PAPLN: variants seen among roughly 807,000 people sequenced by gnomAD.
PAPLN encodes papilin.
Under a neutral mutation model 159.0 loss-of-function variants are expected in PAPLN, and 146 were observed. The ratio of observed to expected loss-of-function variants is 0.92; its 90% CI spans 0.80 to 1.05. The LOEUF (loss-of-function observed/expected upper bound fraction) is 1.05. Among genes scored for constraint, PAPLN ranks in the 50% least tolerant of loss-of-function variants. The probability of loss-of-function intolerance (pLI) is 0.00; values close to 1 mark genes in which losing one functional copy is unlikely to be tolerated. For missense variants in PAPLN, 1,720 were observed against 1,743.9 expected, an observed-to-expected ratio of 0.99 and a Z score of 0.24; for synonymous variants, 734 against 702.9, an observed-to-expected ratio of 1.04 and a Z score of -0.70.
Position 73,265,595 on chromosome 14 carries a change from G to A in PAPLN, c.3263+88G>A. The A allele has an allele frequency of 6.5e-7, 1 of 1,545,694 alleles. No individual in the cohort carries two copies. The highest frequency in any genetic ancestry group is 8.8e-7 in the Non-Finnish European group (1 of 1,142,514). On this transcript the variant is annotated intron_variant, in intron 23 of 26. Transcript: ENST00000644200. The surrounding 1 kb of genome is among the most constrained non-coding windows in gnomAD (Gnocchi z 4.1). ...GCCACCGGGGAAGGGAGCTGCTAGCGCATGGTCATGGCCAGTCCTGAGCCG... is the reference window on the plus strand; with the variant it reads ...GCCACCGGGGAAGGGAGCTGCTAGCACATGGTCATGGCCAGTCCTGAGCCG...
rs1197641217 is a variant in PAPLN, at chr14:73,239,808, G to T, written c.30G>T (p.Leu10=). 6.3e-7 allele frequency: 1 copy of T among 1,594,480 alleles called. No individual in the cohort carries two copies. Among genetic ancestry groups the T allele is most frequent in the Non-Finnish European group, 8.5e-7 (1 of 1,176,226 alleles). ...GGCTGCTCCTGCTCGTGCCGCTGCT[G>T]CTGGCTCCAGCGCCCGGGTCCTCGG... MRLLLLVPL[L]LAPAPGSSAP... The change falls in exon 2 of 27, where the codon CTG becomes CTT. Residue 10 remains leucine (L), a synonymous_variant. Coordinates refer to ENST00000644200, the MANE Select transcript of PAPLN (RefSeq NM_001365906.3).
At chr14:73,241,987 C>T (rs1333292755) in intron 2 of PAPLN, among the ~76,000 whole-genome samples, 1 of 152,326 alleles carries the variant, frequency 6.6e-6, no homozygotes, top group East Asian at 1.9e-4. Context: ...CAGCATGAGA[C>T]AGGTGAGGGC....
chr14:73,239,624 TGCGGTGCACCGAGGCGCACCCG>T, intron 1 of PAPLN, 127 bp from the exon 2 acceptor site: 1 of 1,393,314 alleles, frequency 7.2e-7, no homozygotes, highest in Non-Finnish European at 9.3e-7. Context: ...CTGTGTTCTC[TGCGGTGCACCGAGGCGCACCCG>T]GCTGTCCTGT....
intron 3 of PAPLN, 105 bp downstream of exon 3, chr14:73,244,864 C>T: frequency 1.2e-6 from 1 of 807,012 alleles, no homozygotes. Context: ...CTGGCCACAT[C>T]AGCAGAACCC....
intron 24 of PAPLN, 40 bp downstream of exon 24, chr14:73,266,668 C>T: frequency 3.7e-6 from 6 of 1,614,092 alleles, no homozygotes; most frequent in Non-Finnish European, 4.2e-6. Context: ...GGTCAGGTGG[C>T]ATGGGTAGGG....
In PAPLN at chr14:73,260,689, G is replaced by A. The variant is rs764092340; in HGVS notation, c.1986-20G>A. The A allele has an allele frequency of 6.2e-6, 9 of 1,445,344 alleles. No homozygotes were observed. Among genetic ancestry groups the A allele is most frequent in the Non-Finnish European group, 8.2e-6 (9 of 1,100,872 alleles). 89.5% of individuals were successfully genotyped at this position (1,445,344 alleles called of 1,614,324 possible). ...GTGGGGGCAGGCTGGGCAGTGAGGG[G>A]CTGTGTGATGTCTGCCTAGGTACGG... On this transcript the variant is annotated intron_variant, in intron 16 of 26. Transcript: ENST00000644200.
At position 73,272,880 on chromosome 14, in the gene PAPLN, C is replaced by CT; in HGVS notation, c.*216_*217insT. 2.5e-6 allele frequency: 1 copy of CT among 408,136 alleles called. No homozygotes were observed. Among genetic ancestry groups the CT allele is most frequent in the South Asian group, 1.2e-4 (1 of 8,154 alleles). The allele number at this position is 408,136 out of a possible 1,614,324, so 25.3% of individuals were successfully genotyped here. A position where few individuals can be genotyped will look rare whatever the true frequency, so the allele number is the denominator to read the frequency against. On this transcript the variant is annotated 3_prime_UTR_variant, in exon 27 of 27. Transcript: ENST00000644200. ...GCAGTGTTTGCATCTCTGACATAAC[C>CT]ACAGGCTGCTGTTTTCAAGAAGAGC... is the stretch of plus-strand genomic sequence containing the variant.
chr14:73,252,302 C>G (rs1297331163), intron 10 of PAPLN, among the ~76,000 whole-genome samples, 161 bp downstream of exon 10: 1 of 152,146 alleles, frequency 6.6e-6, no homozygotes, highest in Non-Finnish European at 1.5e-5. Context: ...TTGAGGAAAA[C>G]CCAGGGATCT....
intron 2 of PAPLN, 32 bp from the exon 3 acceptor site, chr14:73,244,612 G>T: frequency 6.6e-7 from 1 of 1,521,696 alleles, no homozygotes; most frequent in Non-Finnish European, 8.9e-7. Context: ...CTGTGAGTGG[G>T]CAATGCTGAT....
chr14:73,248,120 T>G, intron 5 of PAPLN, among the ~76,000 whole-genome samples: 2 of 130,412 alleles, frequency 1.5e-5, no homozygotes, highest in East Asian at 2.2e-4. Context: ...CGTGTGTGTG[T>G]TGTGGGGATC....
rs149226856 is a variant in PAPLN, at chr14:73,263,853, G to C, written c.2861+71G>C. On this transcript the variant is annotated intron_variant, in intron 20 of 26. Transcript: ENST00000644200. The stretch of plus-strand genomic sequence containing the variant: ...CCTACCTTCCCTGACAGGTGTGTGT[G>C]ACAGCTCCCCCACCTCCTCTGATAG... 8.1e-4 allele frequency: 1,214 copies of C among 1,503,030 alleles called. 9 individuals carry two copies. In the African/African-American group the frequency reaches 0.015, roughly 19 times the overall value. 93.1% of individuals were successfully genotyped at this position (1,503,030 alleles called of 1,614,324 possible). A position where few individuals can be genotyped will look rare whatever the true frequency, so the allele number is the denominator to read the frequency against.
chr14:73,262,264 C>T (rs565450755), intron 18 of PAPLN, 86 bp from the exon 19 acceptor site: 6 of 1,333,962 alleles, frequency 4.5e-6, no homozygotes, highest in South Asian at 1.4e-5. Context: ...GAAGGGCCTG[C>T]TTCCTGAGTC....
chr14:73,270,281 G>T (rs946855896), intron 26 of PAPLN, among the ~76,000 whole-genome samples: 1 of 152,224 alleles, frequency 6.6e-6, no homozygotes, highest in African/African-American at 2.4e-5. Context: ...GGCGGCTTCC[G>T]CACTGGGTGC....
At chr14:73,253,078 G>A (rs1885480726) in intron 11 of PAPLN, 28 of 1,338,064 alleles carry the variant, frequency 2.1e-5, no homozygotes, top group Non-Finnish European at 2.6e-5. Context: ...CAGAGGGTTT[G>A]GCTTGGCAGA....
chr14:73,246,007 G>A (rs1199811226), intron 4 of PAPLN, 66 bp from the exon 5 acceptor site: 3 of 1,418,712 alleles, frequency 2.1e-6, no homozygotes, highest in South Asian at 1.4e-5. Context: ...GGGCTCGGGC[G>A]GGGCGGGAGG....
rs1005883892 is a variant in PAPLN, at chr14:73,250,775, T to C, written c.466-132T>C. 26 of 1,120,340 alleles carry C rather than the reference T, an allele frequency of 2.3e-5. No individual in the cohort carries two copies. The African/African-American group carries it at 3.7e-4, about 16-fold the overall frequency. 69.4% of individuals were successfully genotyped at this position (1,120,340 alleles called of 1,614,324 possible). On this transcript the variant is annotated intron_variant, in intron 6 of 26. Coordinates refer to ENST00000644200, the MANE Select transcript of PAPLN (RefSeq NM_001365906.3). ...GTCAGCCACAGGCCAGTCCCCTGGC[T>C]GGTGGCTGAATCACTCCCGACCACC...
At chr14:73,250,778 T>G (rs903146143) in intron 6 of PAPLN, 129 bp from the exon 7 acceptor site, 5 of 1,160,272 alleles carry the variant, frequency 4.3e-6, no homozygotes, top group African/African-American at 1.6e-5. Context: ...CCCTGGCTGG[T>G]GGCTGAATCA....
In PAPLN at chr14:73,260,802, G is replaced by A. The variant is rs755299155; in HGVS notation, c.2079G>A (p.Met693Ile). ...KSYGGDSTGGMPRSRAVASTV... is the reference protein window; with the variant it reads ...KSYGGDSTGGIPRSRAVASTV... The stretch of plus-strand genomic sequence containing the variant: ...ATGGTGGTGACAGCACCGGGGGCAT[G>A]CCCAGGTCAAGGGCAGTGGCTTCTA... The change falls in exon 17 of 27, where the codon ATG becomes ATA. Residue 693 changes from methionine to isoleucine, a missense_variant. Transcript: ENST00000644200. The A allele has an allele frequency of 2.0e-6, 3 of 1,492,178 alleles. No individual in the cohort carries two copies. Among genetic ancestry groups the A allele is most frequent in the Admixed American group, 2.5e-5 (1 of 40,770 alleles). The allele number at this position is 1,492,178 out of a possible 1,614,324, so 92.4% of individuals were successfully genotyped here.
rs777554051 is a variant in PAPLN, at chr14:73,264,376, C to A, written c.2986+41C>A. On this transcript the variant is annotated intron_variant, in intron 21 of 26. Coordinates refer to ENST00000644200, the MANE Select transcript of PAPLN (RefSeq NM_001365906.3). ...CCATCCACCAGTGCGTTCTCAGGGG[C>A]CCGAGTGGGAAGGCCAGGATGGGGA... 9 of 1,590,532 alleles carry A rather than the reference C, an allele frequency of 5.7e-6. No individual in the cohort carries two copies. The African/African-American group carries it at 8.0e-5, about 14-fold the overall frequency.
Sources: allele counts gnomAD v4.1 joint callset (sites outside exome capture counted in the v4.1 genomes callset), GRCh38; gene constraint gnomAD v4.1.1; non-coding constraint Gnocchi (gnomAD v3.1); transcripts MANE v1.5; gene names NCBI Gene and HGNC (gene_info 2026-07-23, HGNC 2026-07-21).